The following RALY variants were observed in gnomAD, a reference collection of about 807,000 sequenced individuals.
RALY encodes the protein RNA-binding protein Raly.
A neutral mutation model predicts 30.7 loss-of-function variants in RALY; 15 were observed. The ratio of observed to expected loss-of-function variants is 0.49; its 90% CI spans 0.33 to 0.75. RALY has a LOEUF of 0.75. Ranked by LOEUF, RALY falls within the 30% of genes least tolerant of loss-of-function variation. RALY has a pLI of 0.02. For synonymous variants in RALY, 177 were observed against 170.8 expected (o/e 1.04, Z -0.28); for missense variants, 339 against 414.3 (o/e 0.82, Z 1.58).
intron 2 of RALY, among the ~76,000 whole-genome samples, chr20:34,050,682 A>T (rs2033048079): frequency 6.6e-6 from 1 of 152,076 alleles, no homozygotes; most frequent in Non-Finnish European, 1.5e-5. Flanking sequence ...CCCTCTTGCC[A>T]TCCCATATAA....
intron 1 of RALY, among the ~76,000 whole-genome samples, chr20:34,000,953 A>G (rs879375053): frequency 6.6e-6 from 1 of 152,242 alleles, no homozygotes; most frequent in Admixed American, 6.5e-5. Flanking sequence ...ACCTTTTTAC[A>G]GTTTTGTGGA....
chr20:34,047,088 G>T (rs1483719044), intron 2 of RALY, among the ~76,000 whole-genome samples: 1 of 152,138 alleles, frequency 6.6e-6, no homozygotes, highest in East Asian at 1.9e-4. Flanking sequence ...CAAAGTGGGG[G>T]GATTACAGGT....
At chr20:34,028,827 G>T (rs2032152195) in intron 1 of RALY, among the ~76,000 whole-genome samples, 1 of 150,864 alleles carries the variant, frequency 6.6e-6, no homozygotes, top group Admixed American at 6.6e-5. Flanking sequence ...GTGTGTAAAT[G>T]AAGAAGGGCA....
chr20:34,068,709 G>C (rs1370879431), intron 2 of RALY, among the ~76,000 whole-genome samples: 1 of 152,152 alleles, frequency 6.6e-6, no homozygotes, highest in Non-Finnish European at 1.5e-5. Flanking sequence ...AGAATTCTTG[G>C]ACTCATTAGG....
intron 2 of RALY, among the ~76,000 whole-genome samples, chr20:34,041,593 C>A (rs1368759318): frequency 6.6e-6 from 1 of 152,206 alleles, no homozygotes; most frequent in Non-Finnish European, 1.5e-5. Context: ...TCCCCCTCCT[C>A]ACTCATTCAT....
At chr20:34,052,832 A>G (rs187743599) in intron 2 of RALY, among the ~76,000 whole-genome samples, 1 of 152,270 alleles carries the variant, frequency 6.6e-6, no homozygotes, top group African/African-American at 2.4e-5. Context: ...GACACCAGTA[A>G]TATAAAAAAG....
At chr20:34,017,262 A>T (rs2031644835) in intron 1 of RALY, among the ~76,000 whole-genome samples, 1 of 152,224 alleles carries the variant, frequency 6.6e-6, no homozygotes, top group African/African-American at 2.4e-5. Flanking sequence ...TGGCATAGGA[A>T]GGAAAGGAAA....
chr20:34,073,269 A>G (rs760474920), intron 3 of RALY, among the ~76,000 whole-genome samples: 33 of 151,306 alleles, frequency 2.2e-4, no homozygotes, highest in Admixed American at 7.9e-4. Context: ...GAGAATGCAT[A>G]TAGGAATATT....
At chr20:34,049,231 C>G (rs1473974872) in intron 2 of RALY, 2 of 154,084 alleles carry the variant, frequency 1.3e-5, no homozygotes, top group African/African-American at 4.8e-5. Flanking sequence ...GATGTTAAGG[C>G]AAGCCGAGTC....
At chr20:34,056,668 C>T (rs897872950) in intron 2 of RALY, among the ~76,000 whole-genome samples, 2 of 152,184 alleles carry the variant, frequency 1.3e-5, no homozygotes, top group African/African-American at 4.8e-5. Context: ...CTAGTAAACA[C>T]AGTAGACTAT....
intron 2 of RALY, among the ~76,000 whole-genome samples, chr20:34,055,337 A>G (rs2033208744): frequency 6.6e-6 from 1 of 152,192 alleles, no homozygotes; most frequent in South Asian, 2.1e-4. Context: ...GCTGGGGTGG[A>G]TTGGGCTGTT....
intron 1 of RALY, among the ~76,000 whole-genome samples, chr20:34,012,179 G>C (rs767369490): frequency 6.6e-6 from 1 of 152,196 alleles, no homozygotes; most frequent in Non-Finnish European, 1.5e-5. Context: ...GGGCCATGGG[G>C]CAGTGGCTTC....
intron 6 of RALY, 119 bp downstream of exon 6, chr20:34,076,159 T>C: frequency 8.1e-7 from 1 of 1,231,810 alleles, no homozygotes; most frequent in South Asian, 1.5e-5. Flanking sequence ...GTTCTGCTGC[T>C]CTAACACAGC....
At chr20:34,012,243 C>G (rs975255377) in intron 1 of RALY, among the ~76,000 whole-genome samples, 1 of 152,064 alleles carries the variant, frequency 6.6e-6, no homozygotes, top group Non-Finnish European at 1.5e-5. Context: ...TGGTGCAGCC[C>G]TATCATCATG....
At chr20:34,044,573 G>A (rs2032814657) in intron 2 of RALY, among the ~76,000 whole-genome samples, 1 of 152,088 alleles carries the variant, frequency 6.6e-6, no homozygotes, top group Admixed American at 6.6e-5. Context: ...GCCGACCTCA[G>A]GTGATCCGCC....
At chr20:34,053,485 C>T (rs1425545641) in intron 2 of RALY, among the ~76,000 whole-genome samples, 2 of 140,156 alleles carry the variant, frequency 1.4e-5, no homozygotes, top group African/African-American at 2.7e-5. Flanking sequence ...GCAGGTCCAA[C>T]CTTCTGGGCT....
At chr20:34,046,907 C>T (rs1316636827) in intron 2 of RALY, among the ~76,000 whole-genome samples, 1 of 151,260 alleles carries the variant, frequency 6.6e-6, no homozygotes, top group African/African-American at 2.4e-5. Flanking sequence ...GCAGCCTCCA[C>T]CTCTTGGGTT....
At chr20:34,057,270 A>G (rs1405240948) in intron 2 of RALY, among the ~76,000 whole-genome samples, 1 of 152,254 alleles carries the variant, frequency 6.6e-6, no homozygotes, top group African/African-American at 2.4e-5. Context: ...GTTATGTCCC[A>G]TAGAGGGGTG....
chr20:34,044,594 T>A (rs1167281997), intron 2 of RALY, among the ~76,000 whole-genome samples: 1 of 152,036 alleles, frequency 6.6e-6, no homozygotes, highest in Non-Finnish European at 1.5e-5. Flanking sequence ...TGCCTCGGCC[T>A]CCCGAAGCTG....
Sources: gnomAD v4.1 joint callset for allele counts (sites outside exome capture counted in the v4.1 genomes callset) on GRCh38, gnomAD v4.1.1 for gene constraint, MANE v1.5 for transcripts, NCBI Gene and HGNC (gene_info 2026-07-23, HGNC 2026-07-21) for gene names.